The following MANBA variants were observed in gnomAD, a reference collection of about 807,000 sequenced individuals.
The protein encoded by MANBA is beta-mannosidase.
A neutral mutation model predicts 111.1 loss-of-function variants in MANBA; 83 were observed. The ratio of observed to expected loss-of-function variants is 0.75; its 90% CI spans 0.63 to 0.90. MANBA has a LOEUF of 0.90. MANBA is among the 40% of genes least tolerant of loss of function. The pLI is 0.00. For missense variants in MANBA, 1,036 were observed against 1,069.0 expected (o/e 0.97, Z 0.43); for synonymous variants, 370 against 378.7 (o/e 0.98, Z 0.27).
chr4:102,678,201 C>A (rs1731808686), intron 7 of MANBA, among the ~76,000 whole-genome samples: 1 of 152,162 alleles, frequency 6.6e-6, no homozygotes, highest in Non-Finnish European at 1.5e-5. Context: ...TCCCCCAACT[C>A]TTGCAATAAC....
chr4:102,722,269 T>C (rs897238363), intron 4 of MANBA: 3 of 155,526 alleles, frequency 1.9e-5, no homozygotes, highest in Non-Finnish European at 4.3e-5. Flanking sequence ...AAATTTTATG[T>C]ACAGTTTATA....
intron 1 of MANBA, chr4:102,729,071 G>A: frequency 1.3e-6 from 1 of 777,518 alleles, no homozygotes; most frequent in Non-Finnish European, 2.3e-6. Flanking sequence ...CAGTTGCCAT[G>A]CCATGTCCTG....
At chr4:102,718,102 G>A (rs1042863731) in intron 4 of MANBA, among the ~76,000 whole-genome samples, 2 of 152,224 alleles carry the variant, frequency 1.3e-5, no homozygotes, top group Non-Finnish European at 2.9e-5. Context: ...ACATCATCAA[G>A]AGGACTAAGC....
chr4:102,710,722 A>T (rs1229309396), intron 5 of MANBA, among the ~76,000 whole-genome samples: 1 of 152,188 alleles, frequency 6.6e-6, no homozygotes, highest in Admixed American at 6.5e-5. Flanking sequence ...CTGAGTCAAA[A>T]GAAGGCATCA....
At chr4:102,726,135 T>C (rs1722787182) in intron 2 of MANBA, among the ~76,000 whole-genome samples, 1 of 147,446 alleles carries the variant, frequency 6.8e-6, no homozygotes, top group Non-Finnish European at 1.5e-5. Flanking sequence ...GACAGAAGGA[T>C]TTTTTTTTTC....
intron 1 of MANBA, chr4:102,730,114 A>C: frequency 8.5e-7 from 1 of 1,174,818 alleles, no homozygotes; most frequent in Non-Finnish European, 1.2e-6. Flanking sequence ...TGGCTGCTGA[A>C]GGCCCGGGGC....
Position 102,688,292 on chromosome 4 carries a change from C to T in MANBA, c.960+1282G>A, listed in dbSNP as rs542062439. Among the ~76,000 whole-genome samples, 961 of 149,912 alleles carry T rather than the reference C, an allele frequency of 6.4e-3. 4 individuals carry two copies. The highest frequency in any genetic ancestry group is 7.9e-3 in the African/African-American group (314 of 39,646). On this transcript the variant is annotated intron_variant, in intron 7 of 16. Transcript: ENST00000647097. ...ATAACTCTGTGCATGTGTGCGTGCG[C>T]GCGCACACACACACACACACACACA...
intron 4 of MANBA, among the ~76,000 whole-genome samples, chr4:102,716,127 T>C (rs1011047309): frequency 2.0e-5 from 3 of 151,780 alleles, no homozygotes; most frequent in Non-Finnish European, 2.9e-5. Context: ...CTGACCAACA[T>C]GGAGAAACCC....
In MANBA at chr4:102,760,242, G is replaced by T. The variant is rs1724189164; in HGVS notation, c.177+476C>A. ...GGTCATTCTCCACAACGTCTGTGCT[G>T]CGTCAATCCCAAATCTGACTCCCTG... On this transcript the variant is annotated intron_variant, in intron 1 of 16. Transcript: ENST00000647097. 2.0e-5 allele frequency among the ~76,000 whole-genome samples: 3 copies of T among 152,150 alleles called. No homozygotes were observed. In the South Asian group the frequency reaches 6.2e-4, roughly 32 times the overall value.
At chr4:102,646,141 AC>A (rs1730091398) in intron 13 of MANBA, among the ~76,000 whole-genome samples, 1 of 152,124 alleles carries the variant, frequency 6.6e-6, no homozygotes, top group Non-Finnish European at 1.5e-5. Context: ...GCAGTTCATG[AC>A]CCAGGACCAG....
chr4:102,661,104 A>T lies in MANBA; in HGVS notation c.1486-3204T>A, dbSNP rs140456766. 7.3e-4 allele frequency among the ~76,000 whole-genome samples: 111 copies of T among 152,244 alleles called. 1 individual carries two copies. In the Middle Eastern group the frequency reaches 0.031, roughly 42 times the overall value. On this transcript the variant is annotated intron_variant, in intron 11 of 16. Transcript: ENST00000647097. ...AGGCACCAGGCACTGCTTGCTGCTCATTATACATACCACCTACTTTCACAT... is the reference window on the plus strand; with the variant it reads ...AGGCACCAGGCACTGCTTGCTGCTCTTTATACATACCACCTACTTTCACAT...
At chr4:102,652,494 TATA>T (rs1342011888) in intron 12 of MANBA, among the ~76,000 whole-genome samples, 1 of 152,196 alleles carries the variant, frequency 6.6e-6, no homozygotes, top group African/African-American at 2.4e-5. Flanking sequence ...AAATTTCAGC[TATA>T]ATAATATTAC....
Position 102,639,763 on chromosome 4 carries a change from A to G in MANBA, c.1964T>C (p.Leu655Pro), listed in dbSNP as rs1432068291. ...CCAGATGTCATTCAACTGCCAATAAAGTGCCCCCATCGTGTGCCCTTGCTG... is the reference window on the plus strand; with the variant it reads ...CCAGATGTCATTCAACTGCCAATAAGGTGCCCCCATCGTGTGCCCTTGCTG... ...VDQQGHTMGA[L>P]YWQLNDIWQA... Residue 655 changes from leucine (L) to proline (P), a missense_variant, in exon 14 of 17, where the codon CTT (leucine) becomes CCT (proline). Coordinates refer to ENST00000647097, the MANE Select transcript of MANBA (RefSeq NM_005908.4). 1 of 1,614,010 alleles carries G rather than the reference A, an allele frequency of 6.2e-7. No individual in the cohort carries two copies. The highest frequency in any genetic ancestry group is 8.5e-7 in the Non-Finnish European group (1 of 1,180,016).
At chr4:102,637,596 A>G (rs1729686906) in intron 14 of MANBA, among the ~76,000 whole-genome samples, 1 of 152,212 alleles carries the variant, frequency 6.6e-6, no homozygotes, top group South Asian at 2.1e-4. Flanking sequence ...CAGAGTTCAA[A>G]GAACTTCCAC....
chr4:102,728,800 G>C (rs552217518), intron 1 of MANBA: 3 of 926,418 alleles, frequency 3.2e-6, no homozygotes, highest in Non-Finnish European at 5.0e-6. Context: ...CATGGGTCTC[G>C]ATCTTCTTCA....
chr4:102,714,349 G>A (rs1347202692), intron 5 of MANBA, 89 bp downstream of exon 5: 6 of 1,289,232 alleles, frequency 4.7e-6, no homozygotes, highest in African/African-American at 1.5e-5. Context: ...CTAAATCTCT[G>A]AAAAACATAC....
At chr4:102,721,285 C>T (rs1722561427) in intron 4 of MANBA, among the ~76,000 whole-genome samples, 1 of 152,140 alleles carries the variant, frequency 6.6e-6, no homozygotes, top group Non-Finnish European at 1.5e-5. Flanking sequence ...GATCTCGCTA[C>T]TGCACTCTAG....
chr4:102,639,561 G>T, intron 14 of MANBA, 152 bp downstream of exon 14: 3 of 995,018 alleles, frequency 3.0e-6, no homozygotes, highest in Non-Finnish European at 4.6e-6. Context: ...GAGTTGGGTG[G>T]CTGTAGTTCC....
chr4:102,704,997 T>C (rs1733232736), intron 5 of MANBA, among the ~76,000 whole-genome samples: 2 of 152,234 alleles, frequency 1.3e-5, no homozygotes, highest in Non-Finnish European at 2.9e-5. Context: ...TAGCGGCATC[T>C]GGTATTTGCC....
Sources: gnomAD v4.1 joint callset for allele counts (sites outside exome capture counted in the v4.1 genomes callset) on GRCh38, gnomAD v4.1.1 for gene constraint, MANE v1.5 for transcripts, NCBI Gene and HGNC (gene_info 2026-07-23, HGNC 2026-07-21) for gene names.